Variants in PAX5 observed in about 807,000 individuals in gnomAD.
The protein encoded by PAX5 is paired box 5.
A neutral mutation model predicts 43.7 loss-of-function variants in PAX5; 9 were observed. That is an observed-to-expected ratio of 0.21 (90% CI 0.12 to 0.36). PAX5 has a LOEUF of 0.36. Among genes scored for constraint, PAX5 ranks in the 10% least tolerant of loss-of-function variants. The pLI is 1.00. For synonymous variants in PAX5, 228 were observed against 214.3 expected, an observed-to-expected ratio of 1.06 and a Z score of -0.56; for missense variants, 383 against 532.7, an observed-to-expected ratio of 0.72 and a Z score of 2.77.
intron 7 of PAX5, among the ~76,000 whole-genome samples, chr9:36,908,367 A>G (rs1050591357): frequency 1.3e-5 from 2 of 152,070 alleles, no homozygotes; most frequent in Admixed American, 1.3e-4. Context: ...CATGCTGTCA[A>G]AAGCACTTGG....
At chr9:36,951,657 C>T (rs117198199) in intron 6 of PAX5, among the ~76,000 whole-genome samples, 26 of 152,288 alleles carry the variant, frequency 1.7e-4, no homozygotes, top group Non-Finnish European at 3.4e-4. Context: ...TTATTTTACA[C>T]GTCTTCTATT....
At chr9:36,900,764 C>T (rs1345719857) in intron 7 of PAX5, among the ~76,000 whole-genome samples, 2 of 152,330 alleles carry the variant, frequency 1.3e-5, no homozygotes, top group Non-Finnish European at 2.9e-5. Context: ...ATCCTCCCAC[C>T]ACCTGTGTCC....
intron 9 of PAX5, among the ~76,000 whole-genome samples, chr9:36,845,785 G>C (rs1822511384): frequency 6.6e-6 from 1 of 152,174 alleles, no homozygotes; most frequent in Non-Finnish European, 1.5e-5. Context: ...CTATGGTTTG[G>C]CAACTTGAGT....
intron 7 of PAX5, among the ~76,000 whole-genome samples, chr9:36,889,934 A>G (rs1366129634): frequency 1.0e-5 from 1 of 98,200 alleles, no homozygotes; most frequent in African/African-American, 5.0e-5. Context: ...CTCTCTATGT[A>G]CACTAACGGG....
chr9:37,020,961 C>A (rs1225173876), intron 1 of PAX5, among the ~76,000 whole-genome samples, 160 bp from the exon 2 acceptor site: 2 of 152,236 alleles, frequency 1.3e-5, no homozygotes, highest in African/African-American at 2.4e-5. Context: ...CACGAAGTCC[C>A]CAGATTGCTT....
At chr9:36,856,818 AC>A (rs1823721221) in intron 8 of PAX5, among the ~76,000 whole-genome samples, 1 of 152,204 alleles carries the variant, frequency 6.6e-6, no homozygotes, top group South Asian at 2.1e-4. Context: ...AAAGAGCAGT[AC>A]CAGACTGAAG....
In PAX5 at chr9:36,882,058, G is replaced by A. The variant is rs773593708; in HGVS notation, c.958C>T (p.Pro320Ser). ...TTLPGYPPHV[P>S]PAGQGSYSAP... ...GAGTAGCTGCCCTGTCCAGCGGGGG[G>A]GACGTGTGGAGGGTACCCGGGGAGG... The change falls in exon 8 of 10, where the codon CCC (proline) becomes TCC (serine). Residue 320 changes from proline (P) to serine (S), a missense_variant. This residue lies in a region of PAX5 where 291 missense variants were observed against 342.5 expected (regional missense o/e 0.85). Transcript: ENST00000358127. This position sits in a 1 kb window ranked among gnomAD's most constrained non-coding sequence, Gnocchi z 4.4. 6.2e-7 allele frequency: 1 copy of A among 1,611,592 alleles called. No homozygotes were observed. Among genetic ancestry groups the A allele is most frequent in the Non-Finnish European group, 8.5e-7 (1 of 1,178,404 alleles).
chr9:36,937,561 C>A (rs1235472892), intron 6 of PAX5, among the ~76,000 whole-genome samples: 1 of 152,192 alleles, frequency 6.6e-6, no homozygotes, highest in Non-Finnish European at 1.5e-5. Flanking sequence ...GGGACACCAC[C>A]TGCTAGGCCA....
At chr9:36,930,100 T>C (rs1198673444) in intron 6 of PAX5, among the ~76,000 whole-genome samples, 3 of 151,972 alleles carry the variant, frequency 2.0e-5, no homozygotes, top group African/African-American at 7.3e-5. Flanking sequence ...ACAGACACCA[T>C]GTTCTAGATG....
At chr9:36,888,524 A>G (rs2131801569) in intron 7 of PAX5, among the ~76,000 whole-genome samples, 1 of 152,370 alleles carries the variant, frequency 6.6e-6, no homozygotes, top group East Asian at 1.9e-4. Context: ...CAGTCACAAA[A>G]GACTATGTAT....
intron 7 of PAX5, among the ~76,000 whole-genome samples, chr9:36,884,349 TG>T (rs1330809441): frequency 1.3e-5 from 2 of 152,190 alleles, no homozygotes; most frequent in African/African-American, 4.8e-5. Context: ...ATTAAAGCAC[TG>T]TTCAGGACAT....
rs774500421 is a variant in PAX5 at position 37,001,650 on chromosome 9, C to T, written c.604+998G>A. Among the ~76,000 whole-genome samples the T allele has an allele frequency of 5.7e-4, 86 of 152,102 alleles. 1 individual carries two copies. The highest frequency in any genetic ancestry group is 2.2e-4 in the Non-Finnish European group (15 of 68,026). On this transcript the variant is annotated intron_variant, in intron 5 of 9. Transcript: ENST00000358127. ...ACCACAGGCCAATCCACGGCTGGGCCGACTCAATTTTCTAGTTACAGATCT... is the reference window on the plus strand; with the variant it reads ...ACCACAGGCCAATCCACGGCTGGGCTGACTCAATTTTCTAGTTACAGATCT...
At chr9:37,009,096 A>T (rs1838715914) in intron 3 of PAX5, among the ~76,000 whole-genome samples, 1 of 152,218 alleles carries the variant, frequency 6.6e-6, no homozygotes, top group Non-Finnish European at 1.5e-5. Flanking sequence ...TCATTGTCTG[A>T]CTATTAAATT....
At chr9:36,860,268 C>G (rs570811217) in intron 8 of PAX5, among the ~76,000 whole-genome samples, 4 of 151,588 alleles carry the variant, frequency 2.6e-5, no homozygotes, top group Non-Finnish European at 5.9e-5. Flanking sequence ...ACCCAGGAGG[C>G]AGAAGTTGCA....
rs7038192 is a variant in PAX5, at chr9:36,946,212, A to G, written c.780+20337T>C. Among the ~76,000 whole-genome samples, 1,487 of 151,972 alleles carry G rather than the reference A, an allele frequency of 9.8e-3. 21 individuals carry two copies. Among genetic ancestry groups the G allele is most frequent in the African/African-American group, 0.034 (1,398 of 41,432 alleles). Reference sequence around the variant, plus strand: ...GGATGCAGTGCTCCATCAGGAAGTGACTCCCTGAGGCTCGCAGAGGGGCCA... The same window carrying G: ...GGATGCAGTGCTCCATCAGGAAGTGGCTCCCTGAGGCTCGCAGAGGGGCCA... On this transcript the variant is annotated intron_variant, in intron 6 of 9. Transcript: ENST00000358127.
chr9:36,933,368 C>T (rs1831282997), intron 6 of PAX5, among the ~76,000 whole-genome samples: 1 of 152,140 alleles, frequency 6.6e-6, no homozygotes, highest in South Asian at 2.1e-4. Flanking sequence ...AGCCATCATC[C>T]CTGCATCTTC....
At chr9:36,896,971 T>C (rs1827922637) in intron 7 of PAX5, among the ~76,000 whole-genome samples, 2 of 152,174 alleles carry the variant, frequency 1.3e-5, no homozygotes, top group African/African-American at 4.8e-5. Flanking sequence ...AGATCTGAGA[T>C]TCGGTTCCTG....
chr9:36,995,135 C>A (rs534126782), intron 5 of PAX5, among the ~76,000 whole-genome samples: 6 of 152,228 alleles, frequency 3.9e-5, no homozygotes, highest in Non-Finnish European at 7.3e-5. Context: ...CTCCTTCCTG[C>A]CCCCAAAGCC....
chr9:36,909,791 T>C (rs941630511), intron 7 of PAX5, among the ~76,000 whole-genome samples: 1 of 148,988 alleles, frequency 6.7e-6, no homozygotes, highest in African/African-American at 2.5e-5. Flanking sequence ...TTACTTTTTT[T>C]CCAAGAGAAG....
Sources: allele counts gnomAD v4.1 joint callset (sites outside exome capture counted in the v4.1 genomes callset), GRCh38; gene constraint gnomAD v4.1.1; regional missense constraint gnomAD v4.1.1; non-coding constraint Gnocchi (gnomAD v3.1); transcripts MANE v1.5; gene names NCBI Gene and HGNC (gene_info 2026-07-23, HGNC 2026-07-21).